Variants in TEX11 observed in about 807,000 individuals in gnomAD.
TEX11 encodes the protein testis expressed 11.
A neutral mutation model predicts 84.4 loss-of-function variants in TEX11; 7 were observed. That is an observed-to-expected ratio of 0.08 (90% CI 0.05 to 0.16). TEX11 has a LOEUF of 0.16. TEX11 is among the 10% of genes least tolerant of loss of function. TEX11 has a pLI of 1.00. For synonymous variants in TEX11, 264 were observed against 222.8 expected (o/e 1.18, Z -1.64); for missense variants, 551 against 660.5 (o/e 0.83, Z 1.82).
chrX:70,662,280 A>T (rs774752859), intron 16 of TEX11, among the ~76,000 whole-genome samples: 128 of 111,750 alleles, frequency 1.1e-3, no homozygotes, highest in African/African-American at 4.0e-3. Context: ...GGAAGATCAA[A>T]TGAATGAAAT....
chrX:70,755,196 G>A (rs1164099390), intron 9 of TEX11, among the ~76,000 whole-genome samples: 3 of 112,372 alleles, frequency 2.7e-5, no homozygotes, highest in African/African-American at 9.7e-5. Context: ...GAAAATAGCT[G>A]TTTTGAGGAA....
At chrX:70,582,123 A>G (rs2088784762) in intron 25 of TEX11, among the ~76,000 whole-genome samples, 1 of 112,062 alleles carries the variant, frequency 8.9e-6, no homozygotes, top group Admixed American at 9.5e-5. Context: ...TAATAAAAAT[A>G]ATTTTATTTT....
chrX:70,830,372 A>C (rs1318115302), intron 8 of TEX11, among the ~76,000 whole-genome samples: 1 of 111,663 alleles, frequency 9.0e-6, no homozygotes, highest in Admixed American at 9.6e-5. Context: ...ATATAAAGCA[A>C]TTATTAGAGG....
chrX:70,734,157 T>G lies in TEX11; in HGVS notation c.843+6544A>C, dbSNP rs1166442225. Among the ~76,000 whole-genome samples, 8 of 109,304 alleles carry G rather than the reference T, an allele frequency of 7.3e-5. No individual in the cohort carries two copies. In the South Asian group the frequency reaches 1.2e-3, roughly 17 times the overall value. The allele number at this position is 109,304 out of a possible 115,157, so 94.9% of individuals were successfully genotyped here. A position where few individuals can be genotyped will look rare whatever the true frequency, so the allele number is the denominator to read the frequency against. On this transcript the variant is annotated intron_variant, in intron 11 of 29. Coordinates refer to ENST00000374333, the MANE Select transcript of TEX11 (RefSeq NM_031276.3). ...CATCACAACCAGGGCCTGTTGTGGG[T>G]TGGGGGGAGTGGGGAGGGATAGCAT...
chrX:70,601,819 C>A lies in TEX11; in HGVS notation c.2067+3582G>T, dbSNP rs755407056. Among the ~76,000 whole-genome samples the A allele has an allele frequency of 5.6e-3, 585 of 103,629 alleles. 4 individuals are homozygous for A. Among genetic ancestry groups the A allele is most frequent in the African/African-American group, 0.02 (559 of 28,452 alleles). The allele number at this position is 103,629 out of a possible 115,157, so 90.0% of individuals were successfully genotyped here. ...CTTAATCCATTTAACCCTGAGTGGACACAGCACATGTTTCAGAGAGCACAG... is the reference window on the plus strand; with the variant it reads ...CTTAATCCATTTAACCCTGAGTGGAAACAGCACATGTTTCAGAGAGCACAG... On this transcript the variant is annotated intron_variant, in intron 24 of 29. Transcript: ENST00000374333.
At chrX:70,644,040 T>A (rs1172926458) in intron 17 of TEX11, among the ~76,000 whole-genome samples, 2 of 102,997 alleles carry the variant, frequency 1.9e-5, no homozygotes, top group Non-Finnish European at 4.0e-5. Flanking sequence ...AGGGCTAATA[T>A]CCAGAATCTA....
intron 20 of TEX11, among the ~76,000 whole-genome samples, chrX:70,616,129 A>T (rs1002901951): frequency 2.7e-5 from 3 of 111,664 alleles, no homozygotes; most frequent in Non-Finnish European, 5.6e-5. Flanking sequence ...ACAGAAAAAA[A>T]CACAATATTA....
intron 14 of TEX11, among the ~76,000 whole-genome samples, chrX:70,680,019 C>T (rs1169912162): frequency 3.3e-4 from 22 of 67,605 alleles, no homozygotes; most frequent in South Asian, 2.7e-3. Context: ...CGCCTCTGCC[C>T]GGCCGCCCCT....
intron 25 of TEX11, among the ~76,000 whole-genome samples, chrX:70,570,487 C>G (rs769264950): frequency 9.0e-6 from 1 of 111,265 alleles, no homozygotes; most frequent in African/African-American, 3.3e-5. Context: ...AGAAATCACC[C>G]GTCTTCTGCG....
intron 13 of TEX11, among the ~76,000 whole-genome samples, chrX:70,697,659 C>G (rs1045851987): frequency 8.9e-6 from 1 of 111,949 alleles, no homozygotes; most frequent in South Asian, 3.7e-4. Flanking sequence ...CACAGACATA[C>G]AGCTCAACTT....
chrX:70,551,016 G>C (rs140477756), intron 28 of TEX11, among the ~76,000 whole-genome samples: 1 of 111,526 alleles, frequency 9.0e-6, no homozygotes, highest in Admixed American at 9.5e-5. Flanking sequence ...TCCATCAACA[G>C]ATGAATGGAT....
chrX:70,523,456 GAGA>G, the TEX11 span, among the ~76,000 whole-genome samples: 1 of 111,332 alleles, frequency 9.0e-6, no homozygotes, highest in Non-Finnish European at 1.9e-5. Context: ...CCAAAGCCTA[GAGA>G]AGGATTATGC....
chrX:70,632,460 T>A (rs2089521843), intron 17 of TEX11, among the ~76,000 whole-genome samples: 1 of 111,242 alleles, frequency 9.0e-6, no homozygotes, highest in Non-Finnish European at 1.9e-5. Flanking sequence ...AGTTTTAAAA[T>A]GAGCTAGGTG....
rs573644214 is a variant in TEX11, at chrX:70,648,730, G to A, written c.1483+2720C>T. Among the ~76,000 whole-genome samples, 34 of 111,358 alleles carry A rather than the reference G, an allele frequency of 3.1e-4. No individual in the cohort carries two copies. The South Asian group carries it at 9.6e-3, about 31-fold the overall frequency. ...TTCTTTTTTATTGTTTTAACTTTAA[G>A]TTCTAGGATACATGTGCAGAAAGTG... On this transcript the variant is annotated intron_variant, in intron 17 of 29. Transcript: ENST00000374333.
At chrX:70,795,826 C>T (rs1205656621) in intron 9 of TEX11, among the ~76,000 whole-genome samples, 1 of 111,527 alleles carries the variant, frequency 9.0e-6, no homozygotes, top group Non-Finnish European at 1.9e-5. Flanking sequence ...TGACCAAAAA[C>T]ATAGCACACA....
At chrX:70,892,593 C>T (rs1260552542) in intron 2 of TEX11, among the ~76,000 whole-genome samples, 1 of 110,203 alleles carries the variant, frequency 9.1e-6, no homozygotes. Context: ...AATTGCTGGG[C>T]GTGGTGGCAC....
intron 16 of TEX11, among the ~76,000 whole-genome samples, chrX:70,668,446 T>C (rs1408779): frequency 0.38 from 42,082 of 110,900 alleles, 6,925 homozygotes; most frequent in African/African-American, 0.64. Context: ...ATATTCATTG[T>C]ATATGGAGGG....
chrX:70,656,430 G>T (rs1227224726), intron 16 of TEX11, among the ~76,000 whole-genome samples: 3 of 109,960 alleles, frequency 2.7e-5, no homozygotes, highest in Admixed American at 9.8e-5. Context: ...CCTGTCGGTA[G>T]GTAGGTAGGA....
intron 8 of TEX11, among the ~76,000 whole-genome samples, chrX:70,824,658 C>A (rs2091335371): frequency 9.1e-6 from 1 of 110,289 alleles, no homozygotes; most frequent in South Asian, 3.9e-4. Flanking sequence ...CAGAAACTAC[C>A]AAGAAGATCA....
Sources: gnomAD v4.1 joint callset for allele counts (sites outside exome capture counted in the v4.1 genomes callset) on GRCh38, gnomAD v4.1.1 for gene constraint, MANE v1.5 for transcripts, NCBI Gene and HGNC (gene_info 2026-07-23, HGNC 2026-07-21) for gene names.